RPS6KC1: variants seen among roughly 807,000 people sequenced by gnomAD.
RPS6KC1 encodes inactive ribosomal protein S6 kinase delta-1.
A neutral mutation model predicts 103.8 loss-of-function variants in RPS6KC1; 54 were observed. The observed-to-expected ratio is 0.52, with a 90% CI of 0.42 to 0.65. RPS6KC1 has a LOEUF of 0.65. Ranked by LOEUF, RPS6KC1 falls within the 30% of genes least tolerant of loss-of-function variation. The pLI is 0.00. For synonymous variants in RPS6KC1, 439 were observed against 438.7 expected, an observed-to-expected ratio of 1.00 and a Z score of -0.01; for missense variants, 1,151 against 1,253.8, an observed-to-expected ratio of 0.92 and a Z score of 1.24.
the RPS6KC1 span, among the ~76,000 whole-genome samples, chr1:213,657,309 G>A: frequency 6.6e-6 from 1 of 152,134 alleles, no homozygotes; most frequent in East Asian, 1.9e-4. Context: ...AGATTGCACT[G>A]AAGGTTAAGA....
intron 1 of RPS6KC1, among the ~76,000 whole-genome samples, chr1:213,052,697 T>C (rs1164085569): frequency 6.6e-6 from 1 of 152,026 alleles, no homozygotes; most frequent in African/African-American, 2.4e-5. Context: ...TGTGCTACCA[T>C]GCCCTGATAA....
intron 8 of RPS6KC1, among the ~76,000 whole-genome samples, chr1:213,208,187 C>T (rs1031942990): frequency 2.0e-5 from 3 of 152,106 alleles, no homozygotes; most frequent in Non-Finnish European, 4.4e-5. Flanking sequence ...TCAAATAATC[C>T]ATCAGATATG....
chr1:213,140,998 G>A (rs1014291379), intron 6 of RPS6KC1, among the ~76,000 whole-genome samples: 1 of 151,696 alleles, frequency 6.6e-6, no homozygotes, highest in Non-Finnish European at 1.5e-5. Flanking sequence ...CCGGGTTCAA[G>A]TGATTCTCTT....
the RPS6KC1 span, among the ~76,000 whole-genome samples, chr1:213,406,903 G>C: frequency 1.4e-4 from 22 of 152,272 alleles, no homozygotes; most frequent in East Asian, 4.1e-3. Flanking sequence ...ACAAATGAGA[G>C]CGCTGAGGCT....
chr1:213,381,628 A>G, the RPS6KC1 span, among the ~76,000 whole-genome samples: 2 of 150,516 alleles, frequency 1.3e-5, no homozygotes, highest in Non-Finnish European at 3.0e-5. Flanking sequence ...CGAAGTGCCA[A>G]CTCTCCCTTT....
chr1:213,345,225 G>C, the RPS6KC1 span, among the ~76,000 whole-genome samples: 1 of 152,120 alleles, frequency 6.6e-6, no homozygotes, highest in Non-Finnish European at 1.5e-5. Flanking sequence ...TTTACACCCA[G>C]ATCAAGAAAC....
chr1:213,364,249 TA>T, the RPS6KC1 span, among the ~76,000 whole-genome samples: 1 of 152,312 alleles, frequency 6.6e-6, no homozygotes, highest in East Asian at 1.9e-4. Flanking sequence ...ACCCCTAATT[TA>T]GTGATTCAAT....
chr1:213,761,104 C>A, the RPS6KC1 span, among the ~76,000 whole-genome samples: 1 of 151,892 alleles, frequency 6.6e-6, no homozygotes, highest in African/African-American at 2.4e-5. Context: ...GAGATAAAGC[C>A]TTCATTCCAA....
At chr1:213,058,981 A>G (rs1209360790) in intron 1 of RPS6KC1, among the ~76,000 whole-genome samples, 1 of 152,138 alleles carries the variant, frequency 6.6e-6, no homozygotes, top group Admixed American at 6.5e-5. Context: ...ATTTTGTTAG[A>G]TTTATTCCCC....
the RPS6KC1 span, among the ~76,000 whole-genome samples, chr1:213,555,350 G>A: frequency 6.6e-6 from 1 of 152,224 alleles, no homozygotes; most frequent in African/African-American, 2.4e-5. Flanking sequence ...GAGATTTTAG[G>A]TAATGCTGCT....
At chr1:213,626,753 T>C in the RPS6KC1 span, among the ~76,000 whole-genome samples, 3 of 152,180 alleles carry the variant, frequency 2.0e-5, no homozygotes, top group East Asian at 5.8e-4. Flanking sequence ...GTGGCATTAT[T>C]TCTGAGGGCT....
the RPS6KC1 span, among the ~76,000 whole-genome samples, chr1:213,529,201 G>T: frequency 0.64 from 96,816 of 151,158 alleles, 33,290 homozygotes; most frequent in East Asian, 0.98. Context: ...AAGATAATGG[G>T]GAGGGGGATT....
the RPS6KC1 span, among the ~76,000 whole-genome samples, chr1:213,588,309 T>C: frequency 3.3e-5 from 5 of 151,584 alleles, no homozygotes; most frequent in African/African-American, 1.2e-4. Flanking sequence ...TTTTTTTTTT[T>C]TTTGAGATGG....
chr1:213,662,126 G>A, the RPS6KC1 span, among the ~76,000 whole-genome samples: 3 of 152,038 alleles, frequency 2.0e-5, no homozygotes, highest in Non-Finnish European at 4.4e-5. Flanking sequence ...CACTCCCCTC[G>A]AGACACACTT....
At chr1:213,655,130 C>T in the RPS6KC1 span, among the ~76,000 whole-genome samples, 9 of 152,350 alleles carry the variant, frequency 5.9e-5, no homozygotes, top group South Asian at 2.1e-4. Context: ...GCAGCCTCCC[C>T]CTCCCAGGCT....
intron 6 of RPS6KC1, among the ~76,000 whole-genome samples, chr1:213,162,197 T>G (rs1352101363): frequency 6.6e-6 from 1 of 152,204 alleles, no homozygotes; most frequent in Non-Finnish European, 1.5e-5. Context: ...TAAGAGAAAC[T>G]TAAGGGACTG....
chr1:213,090,538 A>T (rs556518278), intron 3 of RPS6KC1, among the ~76,000 whole-genome samples: 1 of 152,262 alleles, frequency 6.6e-6, no homozygotes, highest in African/African-American at 2.4e-5. Context: ...GTATGGAGCA[A>T]TAGATATACA....
chr1:213,770,639 G>A, the RPS6KC1 span, among the ~76,000 whole-genome samples: 1 of 152,142 alleles, frequency 6.6e-6, no homozygotes, highest in South Asian at 2.1e-4. Context: ...GGAGGTAATT[G>A]GCAACCAGTA....
the RPS6KC1 span, among the ~76,000 whole-genome samples, chr1:213,363,625 G>GCTTTCTTT: frequency 2.3e-4 from 17 of 73,778 alleles, no homozygotes; most frequent in East Asian, 3.3e-4. Flanking sequence ...TTGCTTGCTT[G>GCTTTCTTT]CTTTCTTTCT....
Sources: gnomAD v4.1 joint callset for allele counts (sites outside exome capture counted in the v4.1 genomes callset) on GRCh38, gnomAD v4.1.1 for gene constraint, MANE v1.5 for transcripts, NCBI Gene and HGNC (gene_info 2026-07-23, HGNC 2026-07-21) for gene names.